MAST4: variants seen among roughly 807,000 people sequenced by gnomAD.
MAST4 encodes microtubule-associated serine/threonine-protein kinase 4.
In MAST4, 89 loss-of-function variants were observed where a neutral mutation model predicts 162.7. That is an observed-to-expected ratio of 0.55 (90% CI 0.46 to 0.65). The LOEUF (loss-of-function observed/expected upper bound fraction) is 0.65, where lower values mean the gene tolerates loss of function less well. Among genes scored for constraint, MAST4 ranks in the 30% least tolerant of loss-of-function variants. MAST4 has a pLI of 0.00. For synonymous variants in MAST4, 1,479 were observed against 1,361.1 expected (o/e 1.09, Z -1.91); for missense variants, 3,153 against 3,374.0 (o/e 0.93, Z 1.62).
chr5:66,621,750 A>G, intron 1 of MAST4, among the ~76,000 whole-genome samples: 1 of 152,220 alleles, frequency 6.6e-6, no homozygotes, highest in East Asian at 1.9e-4. Flanking sequence ...GGAATACAGT[A>G]ATGAACAAAG....
intron 2 of MAST4, among the ~76,000 whole-genome samples, chr5:66,785,875 A>G (rs1024574540): frequency 2.0e-5 from 3 of 151,828 alleles, no homozygotes; most frequent in Non-Finnish European, 4.4e-5. Flanking sequence ...TATTATTATT[A>G]TTTTATTTCT....
intron 1 of MAST4, among the ~76,000 whole-genome samples, chr5:66,655,660 C>G (rs1005110499): frequency 2.6e-5 from 4 of 152,142 alleles, no homozygotes; most frequent in Admixed American, 2.6e-4. Flanking sequence ...AAGAAAGCAC[C>G]TAGAGTAGTT....
chr5:67,070,024 C>A (rs1044330541), intron 5 of MAST4, among the ~76,000 whole-genome samples: 5 of 151,762 alleles, frequency 3.3e-5, no homozygotes, highest in Non-Finnish European at 7.4e-5. Context: ...GTAAAAAGCC[C>A]ACTTCCTTGT....
chr5:66,975,158 C>A (rs1330428333), intron 4 of MAST4, among the ~76,000 whole-genome samples: 1 of 152,154 alleles, frequency 6.6e-6, no homozygotes, highest in Non-Finnish European at 1.5e-5. Flanking sequence ...GGAGCAGATT[C>A]TCCCTGAGAG....
chr5:67,130,555 C>T (rs890173826), intron 15 of MAST4, 137 bp downstream of exon 15: 10 of 775,566 alleles, frequency 1.3e-5, no homozygotes, highest in Non-Finnish European at 2.0e-5. Flanking sequence ...TGGCTGTATT[C>T]CCAGTCATTA....
At chr5:66,647,360 T>C (rs773157838) in intron 1 of MAST4, among the ~76,000 whole-genome samples, 12 of 152,146 alleles carry the variant, frequency 7.9e-5, no homozygotes, top group Non-Finnish European at 1.6e-4. Context: ...GACTACCCCA[T>C]GTCCTTGAGT....
intron 4 of MAST4, among the ~76,000 whole-genome samples, chr5:66,981,811 G>A (rs182526129): frequency 2.6e-4 from 40 of 152,288 alleles, no homozygotes; most frequent in African/African-American, 9.6e-4. Context: ...TTCTGGAGGA[G>A]CATTAAAAAC....
chr5:67,068,808 C>T (rs1760553959), intron 5 of MAST4, among the ~76,000 whole-genome samples: 1 of 151,932 alleles, frequency 6.6e-6, no homozygotes, highest in South Asian at 2.1e-4. Context: ...TGCTGTGGTA[C>T]ATTAAAATAG....
At chr5:66,942,620 C>G (rs1743488046) in intron 4 of MAST4, among the ~76,000 whole-genome samples, 1 of 152,198 alleles carries the variant, frequency 6.6e-6, no homozygotes, top group Non-Finnish European at 1.5e-5. Flanking sequence ...GCATGTTGTA[C>G]CCTTCCAGAT....
In MAST4 at chr5:66,934,979, T is replaced by C. The variant is rs533283809; in HGVS notation, c.674+34997T>C. The stretch of plus-strand genomic sequence containing the variant: ...TTAGGATCACGTCCACAGTGTTTTT[T>C]CAGTAGGTAAGGATGTCTTCCAATC... On this transcript the variant is annotated intron_variant, in intron 4 of 28. Transcript: ENST00000403625. Among the ~76,000 whole-genome samples, 9 of 152,336 alleles carry C rather than the reference T, an allele frequency of 5.9e-5. No homozygotes were observed. The East Asian group carries it at 1.7e-3, about 29-fold the overall frequency.
intron 5 of MAST4, among the ~76,000 whole-genome samples, chr5:67,087,661 C>T (rs909122130): frequency 6.6e-6 from 1 of 152,162 alleles, no homozygotes; most frequent in Non-Finnish European, 1.5e-5. Context: ...TTGCTCTAGC[C>T]CACATCACTC....
In MAST4 at chr5:67,022,579, T is replaced by A. The variant is rs76047244; in HGVS notation, c.675-31825T>A. ...CAAGGTACTGGATAAAAGATACTTTTATAGGGGCAAAGAACTTCTGGAGTT... is the reference window on the plus strand; with the variant it reads ...CAAGGTACTGGATAAAAGATACTTTAATAGGGGCAAAGAACTTCTGGAGTT... On this transcript the variant is annotated intron_variant, in intron 4 of 28. Coordinates refer to ENST00000403625, the MANE Select transcript of MAST4 (RefSeq NM_001164664.2). Among the ~76,000 whole-genome samples, 16 of 152,310 alleles carry A rather than the reference T, an allele frequency of 1.1e-4. No homozygotes were observed. In the East Asian group the frequency reaches 3.1e-3, roughly 29 times the overall value.
chr5:66,995,549 C>T (rs867670427), intron 4 of MAST4, among the ~76,000 whole-genome samples: 1 of 152,090 alleles, frequency 6.6e-6, no homozygotes, highest in African/African-American at 2.4e-5. Flanking sequence ...ACTATCGGCA[C>T]CCGCCACCAT....
At position 66,789,197 on chromosome 5, in the gene MAST4, G is replaced by A. The variant is rs200225498; in HGVS notation, c.642+403G>A. 2.6e-5 allele frequency among the ~76,000 whole-genome samples: 4 copies of A among 151,706 alleles called. No homozygotes were observed. In the East Asian group the frequency reaches 7.7e-4, roughly 29 times the overall value. ...CCTTTCTCTTTGTCTATGTGTGTAT[G>A]TATGTGTGTATGTGTACATACACAC... On this transcript the variant is annotated intron_variant, in intron 3 of 28. Coordinates refer to ENST00000403625, the MANE Select transcript of MAST4 (RefSeq NM_001164664.2).
At chr5:67,025,506 A>C (rs1754530102) in intron 4 of MAST4, among the ~76,000 whole-genome samples, 1 of 152,182 alleles carries the variant, frequency 6.6e-6, no homozygotes, top group Admixed American at 6.6e-5. Context: ...GACATCTTGG[A>C]AGTCCACAGA....
chr5:67,141,441 G>A (rs1055473721), intron 19 of MAST4, among the ~76,000 whole-genome samples: 3 of 151,968 alleles, frequency 2.0e-5, no homozygotes, highest in African/African-American at 7.3e-5. Context: ...CTTTAAAATC[G>A]CTCTTTAAAA....
At chr5:66,845,791 G>T (rs1326293373) in intron 3 of MAST4, among the ~76,000 whole-genome samples, 1 of 151,902 alleles carries the variant, frequency 6.6e-6, no homozygotes, top group Non-Finnish European at 1.5e-5. Flanking sequence ...TCCTGATAAG[G>T]TCACTAATCT....
intron 24 of MAST4, among the ~76,000 whole-genome samples, chr5:67,151,523 G>A (rs1304803297): frequency 2.0e-5 from 3 of 152,182 alleles, no homozygotes; most frequent in Non-Finnish European, 4.4e-5. Context: ...GACATTCAGA[G>A]CATAGCAGTT....
chr5:67,080,786 A>G (rs1762503824), intron 5 of MAST4, among the ~76,000 whole-genome samples: 1 of 151,128 alleles, frequency 6.6e-6, no homozygotes, highest in Non-Finnish European at 1.5e-5. Flanking sequence ...TGCCTCAAAA[A>G]AAATGAAAGC....
Sources: allele counts gnomAD v4.1 joint callset (sites outside exome capture counted in the v4.1 genomes callset), GRCh38; gene constraint gnomAD v4.1.1; transcripts MANE v1.5; gene names NCBI Gene and HGNC (gene_info 2026-07-23, HGNC 2026-07-21).